CARS1: variants seen among roughly 807,000 people sequenced by gnomAD.
CARS1 encodes cysteine--tRNA ligase, cytoplasmic.
Under a neutral mutation model 106.2 loss-of-function variants are expected in CARS1, and 48 were observed. The observed-to-expected ratio is 0.45, with a 90% CI of 0.36 to 0.57. CARS1 has a LOEUF of 0.57. Among genes scored for constraint, CARS1 ranks in the 20% least tolerant of loss-of-function variants. The probability of loss-of-function intolerance (pLI) is 0.00; values close to 1 mark genes in which losing one functional copy is unlikely to be tolerated. For missense variants in CARS1, 968 were observed against 1,057.2 expected, an observed-to-expected ratio of 0.92 and a Z score of 1.17; for synonymous variants, 409 against 403.4, an observed-to-expected ratio of 1.01 and a Z score of -0.17.
chr11:3,006,811 G>A (rs1372861151), intron 19 of CARS1, 68 bp downstream of exon 19: 1 of 1,236,548 alleles, frequency 8.1e-7, no homozygotes, highest in African/African-American at 1.5e-5. Flanking sequence ...CCCAGCCCCG[G>A]GAGCTCTCCT....
chr11:3,055,988 T>C (rs574562744), intron 1 of CARS1, among the ~76,000 whole-genome samples: 32 of 152,132 alleles, frequency 2.1e-4, no homozygotes, highest in Admixed American at 3.9e-4. Flanking sequence ...TTTACAGGAA[T>C]CTGGGTGACT....
intron 7 of CARS1, among the ~76,000 whole-genome samples, chr11:3,036,710 G>C (rs1853685346): frequency 6.6e-6 from 1 of 152,210 alleles, no homozygotes; most frequent in African/African-American, 2.4e-5. Flanking sequence ...AACCCAAACA[G>C]ATATTTGTAC....
At position 3,050,327 on chromosome 11, in the gene CARS1, A is replaced by T. The variant is rs1855530516; in HGVS notation, c.26-2326T>A. 6.6e-6 allele frequency among the ~76,000 whole-genome samples: 1 copy of T among 151,696 alleles called. No individual in the cohort carries two copies. Among genetic ancestry groups the T allele is most frequent in the Admixed American group, 6.6e-5 (1 of 15,232 alleles). ...TCTGACCCCAATAAGATGGCCACCC[A>T]CTCCAAGCAGCCACAGGCACCCAGA... On this transcript the variant is annotated intron_variant, in intron 1 of 22. Transcript: ENST00000380525. This position sits in a 1 kb window ranked among gnomAD's most constrained non-coding sequence, Gnocchi z 6.3.
In CARS1 at chr11:3,046,588, G is replaced by C. The variant is rs114546259; in HGVS notation, c.274+1165C>G. ...GATGTGACATCCCCACCTCCAGCCTGGTTAAAACAGTGATCTAGCAGAGGC... is the reference window on the plus strand; with the variant it reads ...GATGTGACATCCCCACCTCCAGCCTCGTTAAAACAGTGATCTAGCAGAGGC... On this transcript the variant is annotated intron_variant, in intron 2 of 22. Coordinates refer to ENST00000380525, the MANE Select transcript of CARS1 (RefSeq NM_001014437.3). The surrounding 1 kb of genome is among the most constrained non-coding windows in gnomAD (Gnocchi z 5.8). Among the ~76,000 whole-genome samples, 1,096 of 152,320 alleles carry C rather than the reference G, an allele frequency of 7.2e-3. 9 individuals are homozygous for C. The highest frequency in any genetic ancestry group is 0.024 in the African/African-American group (996 of 41,564).
In CARS1 at chr11:3,053,648, G is replaced by T. The variant is rs906995848; in HGVS notation, c.25+3695C>A. ...TGTGCCTTCAGCAGCAGAACCTGGG[G>T]GATCCAGAGAAGTCACATTCTTGGG... On this transcript the variant is annotated intron_variant, in intron 1 of 22. Coordinates refer to ENST00000380525, the MANE Select transcript of CARS1 (RefSeq NM_001014437.3). This position sits in a 1 kb window ranked among gnomAD's most constrained non-coding sequence, Gnocchi z 6.6. Among the ~76,000 whole-genome samples, 90 of 152,250 alleles carry T rather than the reference G, an allele frequency of 5.9e-4. No homozygotes were observed. Among genetic ancestry groups the T allele is most frequent in the African/African-American group, 2.1e-3 (88 of 41,534 alleles).
In CARS1 at chr11:3,041,068, AGT is replaced by A. The variant is rs756086911; in HGVS notation, c.367-86_367-85del. The A allele has an allele frequency of 6.2e-7, 1 of 1,607,206 alleles. No individual in the cohort carries two copies. Among genetic ancestry groups the A allele is most frequent in the South Asian group, 1.1e-5 (1 of 90,372 alleles). ...TACCAAAAACAGCAACAAACATCAC[AGT>A]GTGGTTTGTGTTTAGTGTAAACAAT... On this transcript the variant is annotated intron_variant, in intron 3 of 22. Coordinates refer to ENST00000380525, the MANE Select transcript of CARS1 (RefSeq NM_001014437.3). This position sits in a 1 kb window ranked among gnomAD's most constrained non-coding sequence, Gnocchi z 4.9.
intron 1 of CARS1, among the ~76,000 whole-genome samples, chr11:3,051,696 G>A (rs1855710852): frequency 6.6e-6 from 1 of 152,172 alleles, no homozygotes; most frequent in Admixed American, 6.5e-5. Flanking sequence ...TTGCCAGAGG[G>A]ATGGACAGAG....
In CARS1 at chr11:3,017,856, C is replaced by T; in HGVS notation, c.1727+1G>A. The T allele has an allele frequency of 1.2e-6, 2 of 1,604,158 alleles. No homozygotes were observed. Among genetic ancestry groups the T allele is most frequent in the Non-Finnish European group, 1.7e-6 (2 of 1,171,108 alleles). ...ACCCCAAAGAAATGGCACCACCTTA[C>T]TTCTTATTCAGTTCTGCTTCTTCTT... On this transcript the variant is annotated splice_donor_variant, in intron 15 of 22. Coordinates refer to ENST00000380525, the MANE Select transcript of CARS1 (RefSeq NM_001014437.3). LOFTEE classifies it high-confidence loss of function. The surrounding 1 kb of genome is among the most constrained non-coding windows in gnomAD (Gnocchi z 4.9).
rs1853271480 is a variant in CARS1, at chr11:3,034,192, G to GTT, written c.801+3856_801+3857dup. On this transcript the variant is annotated intron_variant, in intron 7 of 22. Transcript: ENST00000380525. The surrounding 1 kb of genome is among the most constrained non-coding windows in gnomAD (Gnocchi z 6.3). ...CTGTTTTCTGTTTTTTTGTTTGTTT[G>GTT]TTCTTTTTTTTGTTTTCTGTTTTTT... Among the ~76,000 whole-genome samples, 1 of 141,526 alleles carries GTT rather than the reference G, an allele frequency of 7.1e-6. No individual in the cohort carries two copies. The highest frequency in any genetic ancestry group is 1.6e-5 in the Non-Finnish European group (1 of 63,016). 92.8% of individuals were successfully genotyped at this position (141,526 alleles called of 152,430 possible).
At chr11:3,015,753 A>C in intron 17 of CARS1, 28 bp downstream of exon 17, 1 of 1,605,686 alleles carries the variant, frequency 6.2e-7, no homozygotes, top group Non-Finnish European at 8.5e-7. Flanking sequence ...GAGCAGGTGC[A>C]GAAGGCAGGA....
At position 3,002,088 on chromosome 11, in the gene CARS1, G is replaced by C. The variant is rs759684028; in HGVS notation, c.2278-35C>G. The C allele has an allele frequency of 1.1e-5, 16 of 1,428,094 alleles. No individual in the cohort carries two copies. In the Admixed American group the frequency reaches 2.7e-4, roughly 24 times the overall value. The allele number at this position is 1,428,094 out of a possible 1,614,324, so 88.5% of individuals were successfully genotyped here. ...GCAACACGGCACAGTCACTGCCCCC[G>C]AGCAGCACCTGGGGCTCCGCACTGT... On this transcript the variant is annotated intron_variant, in intron 21 of 22. Coordinates refer to ENST00000380525, the MANE Select transcript of CARS1 (RefSeq NM_001014437.3).
rs1254804725 is a variant in CARS1, at chr11:3,026,920, T to C, written c.1032-123A>G. ...CGAAATCTGTGGCCTATCTACTCTC[T>C]GTGGTGGCCACTGAAAACCGTATCA... On this transcript the variant is annotated intron_variant, in intron 9 of 22. Coordinates refer to ENST00000380525, the MANE Select transcript of CARS1 (RefSeq NM_001014437.3). The C allele has an allele frequency of 4.7e-6, 5 of 1,062,122 alleles. No individual in the cohort carries two copies. In the Admixed American group the frequency reaches 1.2e-4, roughly 25 times the overall value. 65.8% of individuals were successfully genotyped at this position (1,062,122 alleles called of 1,614,324 possible).
rs1453147639 is a variant in CARS1 at position 3,048,941 on chromosome 11, T to A, written c.26-940A>T. ...AGGACCCAAGAGCCACTGTTCCGCA[T>A]GTCACCATTGGGAGGAGGAGCAGAA... On this transcript the variant is annotated intron_variant, in intron 1 of 22. Coordinates refer to ENST00000380525, the MANE Select transcript of CARS1 (RefSeq NM_001014437.3). The surrounding 1 kb of genome is among the most constrained non-coding windows in gnomAD (Gnocchi z 5.1). 6.6e-6 allele frequency among the ~76,000 whole-genome samples: 1 copy of A among 152,188 alleles called. No individual in the cohort carries two copies.
At chr11:3,015,745 G>A (rs1850924442) in intron 17 of CARS1, 36 bp downstream of exon 17, 3 of 1,580,060 alleles carry the variant, frequency 1.9e-6, no homozygotes, top group Non-Finnish European at 2.6e-6. Context: ...TGGGGAGGGA[G>A]CAGGTGCAGA....
intron 2 of CARS1, 56 bp from the exon 3 acceptor site, chr11:3,042,312 TCGC>T: frequency 7.5e-7 from 1 of 1,330,724 alleles, no homozygotes; most frequent in Non-Finnish European, 1.1e-6. Flanking sequence ...GAAGTGCAAG[TCGC>T]CTCTTCACCT....
At position 3,018,079 on chromosome 11, in the gene CARS1, T is replaced by C. The variant is rs116631950; in HGVS notation, c.1630-125A>G. 805 of 658,350 alleles carry C rather than the reference T, an allele frequency of 1.2e-3. 2 individuals are homozygous for C. Among genetic ancestry groups the C allele is most frequent in the Middle Eastern group, 4.1e-3 (16 of 3,936 alleles). 40.8% of individuals were successfully genotyped at this position (658,350 alleles called of 1,614,324 possible). Reference sequence around the variant, plus strand: ...ATCTGAAAGACCAGAATTACACAAGTGGTCAGAAAGAAAGGAAAAGATATT... The same window carrying C: ...ATCTGAAAGACCAGAATTACACAAGCGGTCAGAAAGAAAGGAAAAGATATT... On this transcript the variant is annotated intron_variant, in intron 14 of 22. Coordinates refer to ENST00000380525, the MANE Select transcript of CARS1 (RefSeq NM_001014437.3).
rs757878749 is a variant in CARS1 at position 3,048,091 on chromosome 11, C to T, written c.26-90G>A. The T allele has an allele frequency of 6.7e-7, 1 of 1,499,194 alleles. No individual in the cohort carries two copies. The highest frequency in any genetic ancestry group is 9.0e-7 in the Non-Finnish European group (1 of 1,113,864). The allele number at this position is 1,499,194 out of a possible 1,614,324, so 92.9% of individuals were successfully genotyped here. ...ACAGGGACTAGGGGATGGCACAGAA[C>T]CAAGGAAAAAGGTGTTCAAGCCCTT... is the stretch of plus-strand genomic sequence containing the variant. On this transcript the variant is annotated intron_variant, in intron 1 of 22. Coordinates refer to ENST00000380525, the MANE Select transcript of CARS1 (RefSeq NM_001014437.3). The surrounding 1 kb of genome is among the most constrained non-coding windows in gnomAD (Gnocchi z 5.1).
At position 3,048,208 on chromosome 11, in the gene CARS1, G is replaced by T. The variant is rs528528731; in HGVS notation, c.26-207C>A. Among the ~76,000 whole-genome samples, 2 of 152,242 alleles carry T rather than the reference G, an allele frequency of 1.3e-5. No homozygotes were observed. Among genetic ancestry groups the T allele is most frequent in the African/African-American group, 4.8e-5 (2 of 41,470 alleles). On this transcript the variant is annotated intron_variant, in intron 1 of 22. Coordinates refer to ENST00000380525, the MANE Select transcript of CARS1 (RefSeq NM_001014437.3). The surrounding 1 kb of genome is among the most constrained non-coding windows in gnomAD (Gnocchi z 5.1). The stretch of plus-strand genomic sequence containing the variant: ...GTGACTGCCTGACAGGTATGGATGG[G>T]TTCCCTCTTGGGTGATGAAAATGCT...
intron 1 of CARS1, among the ~76,000 whole-genome samples, chr11:3,049,976 G>A (rs913675405): frequency 3.9e-5 from 6 of 152,172 alleles, no homozygotes; most frequent in African/African-American, 1.4e-4. Flanking sequence ...GAACGCTGTG[G>A]TGTCAGCAAA....
Sources: gnomAD v4.1 joint callset for allele counts (sites outside exome capture counted in the v4.1 genomes callset) on GRCh38, gnomAD v4.1.1 for gene constraint, Gnocchi (gnomAD v3.1) non-coding constraint, MANE v1.5 for transcripts, NCBI Gene and HGNC (gene_info 2026-07-23, HGNC 2026-07-21) for gene names.